WDR11: variants seen among roughly 807,000 people sequenced by gnomAD.
WDR11 encodes the protein WD repeat domain 11, also known as WD repeat-containing protein 11.
WDR11 carries 83 observed loss-of-function variants against 151.2 expected under a neutral mutation model. That is an observed-to-expected ratio of 0.55 (90% CI 0.46 to 0.66). The LOEUF (loss-of-function observed/expected upper bound fraction) is 0.66, where lower values mean the gene tolerates loss of function less well. WDR11 is among the 30% of genes least tolerant of loss of function. The probability of loss-of-function intolerance (pLI) is 0.00; values close to 1 mark genes in which losing one functional copy is unlikely to be tolerated. For missense variants in WDR11, 1,301 were observed against 1,480.9 expected (o/e 0.88, Z 1.99); for synonymous variants, 484 against 533.1 (o/e 0.91, Z 1.27).
chr10:120,900,955 T>C, intron 20 of WDR11, 81 bp from the exon 21 acceptor site: 1 of 1,042,372 alleles, frequency 9.6e-7, no homozygotes, highest in Non-Finnish European at 1.5e-6. Flanking sequence ...ATCTCTATAT[T>C]AACACAACTT....
chr10:120,885,943 AG>A lies in WDR11; in HGVS notation c.1973+6del. The A allele has an allele frequency of 6.2e-7, 1 of 1,613,272 alleles. No individual in the cohort carries two copies. Among genetic ancestry groups the A allele is most frequent in the Non-Finnish European group, 8.5e-7 (1 of 1,179,564 alleles). On this transcript the variant is annotated splice_donor_region_variant and intron_variant, in intron 15 of 28. Coordinates refer to ENST00000263461, the MANE Select transcript of WDR11 (RefSeq NM_018117.12). ...TGTTGAATCATCTGTGATCAGGTAC[AG>A]TACAGTGTTTCTTGACACTGTCATT...
intron 22 of WDR11, among the ~76,000 whole-genome samples, chr10:120,902,584 A>G (rs1052676290): frequency 3.3e-5 from 5 of 152,018 alleles, no homozygotes; most frequent in African/African-American, 4.8e-5. Context: ...TATCAGATAC[A>G]GGTATATTTA....
chr10:120,865,274 C>A (rs932772612), intron 6 of WDR11, 62 bp downstream of exon 6: 3 of 1,523,986 alleles, frequency 2.0e-6, no homozygotes, highest in Admixed American at 1.7e-5. Flanking sequence ...TAAAAGAAGG[C>A]CATAATCTTG....
chr10:120,901,094 T>C lies in WDR11; in HGVS notation c.2683T>C (p.Ser895Pro). The change falls in exon 21 of 29, where the codon TCT becomes CCT. Residue 895 changes from serine to proline, a missense_variant. By Grantham distance (74) the Ser-to-Pro change is moderately conservative. Around this residue, in one of 3 missense-constraint regions of WDR11, gnomAD observed 589 missense variants for 670.6 expected, o/e 0.88. Transcript: ENST00000263461. ...NLLQEQLNSL[S>P]NDIKKLLLDP... ...CCTCCAAGAACAGTTGAATTCATTG[T>C]CTAAGTAAGCACTCCATGTTTCATT... The C allele has an allele frequency of 3.1e-6, 5 of 1,610,184 alleles. No homozygotes were observed. The highest frequency in any genetic ancestry group is 4.2e-6 in the Non-Finnish European group (5 of 1,176,518).
chr10:120,851,633 A>C, intron 1 of WDR11, 127 bp downstream of exon 1: 1 of 1,134,664 alleles, frequency 8.8e-7, no homozygotes, highest in Non-Finnish European at 1.3e-6. Flanking sequence ...CCCTCACGCA[A>C]TGAGCTTGCT....
chr10:120,862,681 C>CTTTATTTA, intron 4 of WDR11, 54 bp from the exon 5 acceptor site: 1 of 1,559,952 alleles, frequency 6.4e-7, no homozygotes, highest in Non-Finnish European at 8.8e-7. Context: ...TGGAATAAAA[C>CTTTATTTA]TGTATGCTAA....
chr10:120,906,807 G>C lies in WDR11; in HGVS notation c.3469G>C (p.Val1157Leu). 3 of 1,614,210 alleles carry C rather than the reference G, an allele frequency of 1.9e-6. No homozygotes were observed. The highest frequency in any genetic ancestry group is 2.5e-6 in the Non-Finnish European group (3 of 1,180,032). ...MRYFDRAALFVEACLKYGAFE... is the reference protein window; with the variant it reads ...MRYFDRAALFLEACLKYGAFE... ...ATACTTTGATAGAGCAGCCTTATTT[G>C]TGGAAGCTTGCCTCAAGTATGGAGC... is the stretch of plus-strand genomic sequence containing the variant. Residue 1157 changes from valine to leucine, a missense_variant, in exon 28 of 29, where the codon GTG becomes CTG. Transcript: ENST00000263461.
chr10:120,902,467 A>G, intron 22 of WDR11, 145 bp downstream of exon 22: 2 of 739,124 alleles, frequency 2.7e-6, no homozygotes, highest in South Asian at 1.7e-5. Context: ...TTTTGACAGT[A>G]GTAATAACAA....
At chr10:120,901,157 C>A in intron 21 of WDR11, 59 bp downstream of exon 21, 2 of 1,361,374 alleles carry the variant, frequency 1.5e-6, no homozygotes, top group Non-Finnish European at 2.1e-6. Flanking sequence ...TGCAATTCAA[C>A]TTTAAATGCA....
chr10:120,872,101 A>G (rs1846566994), intron 10 of WDR11, among the ~76,000 whole-genome samples: 1 of 152,164 alleles, frequency 6.6e-6, no homozygotes, highest in African/African-American at 2.4e-5. Context: ...GTCTATTAAC[A>G]TGTGATTTGT....
chr10:120,851,921 G>C (rs1564933143), intron 1 of WDR11: 2 of 277,514 alleles, frequency 7.2e-6, no homozygotes, highest in Non-Finnish European at 1.4e-5. Context: ...GCCAGACCCT[G>C]TGCTAGGCGC....
At chr10:120,905,446 C>T (rs1057095870) in intron 26 of WDR11, 30 bp downstream of exon 26, 5 of 1,609,576 alleles carry the variant, frequency 3.1e-6, no homozygotes, top group Admixed American at 1.7e-5. Context: ...AATAGGTGCC[C>T]TCAACATTCG....
chr10:120,902,912 T>TC, intron 22 of WDR11, 143 bp from the exon 23 acceptor site: 1 of 856,278 alleles, frequency 1.2e-6, no homozygotes. Context: ...ACTTGCTGCC[T>TC]CCCCCTTTCA....
At chr10:120,851,606 G>C in intron 1 of WDR11, 100 bp downstream of exon 1, 3 of 1,446,466 alleles carry the variant, frequency 2.1e-6, no homozygotes, top group Non-Finnish European at 2.8e-6. Flanking sequence ...GTTTGGCCTC[G>C]CTAAGGCAGG....
Position 120,871,227 on chromosome 10 carries a change from A to G in WDR11, c.1352A>G (p.His451Arg), listed in dbSNP as rs199920020. ...HPRGSILREV[H>R]LKFLLTGLLS... ...AGAGGTTCAATTCTGCGGGAAGTGCACCTCAAGTTCCTGCTGACGGGACTG... is the reference window on the plus strand; with the variant it reads ...AGAGGTTCAATTCTGCGGGAAGTGCGCCTCAAGTTCCTGCTGACGGGACTG... Residue 451 changes from histidine (H) to arginine (R), a missense_variant, in exon 10 of 29, where the codon CAC becomes CGC. Transcript: ENST00000263461. The G allele has an allele frequency of 2.0e-5, 33 of 1,614,102 alleles. No individual in the cohort carries two copies. In the East Asian group the frequency reaches 7.1e-4, roughly 35 times the overall value.
At chr10:120,903,309 G>A in intron 23 of WDR11, 77 bp downstream of exon 23, 1 of 1,555,584 alleles carries the variant, frequency 6.4e-7, no homozygotes, top group East Asian at 2.3e-5. Context: ...CTTAAACTTG[G>A]GAAACTTTCA....
intron 5 of WDR11, 25 bp from the exon 6 acceptor site, chr10:120,865,022 C>T (rs1027439002): frequency 3.1e-6 from 5 of 1,612,684 alleles, no homozygotes; most frequent in Non-Finnish European, 4.2e-6. Flanking sequence ...AGTCTTTGAC[C>T]CAAGTGAATG....
chr10:120,908,877 T>C lies in WDR11; in HGVS notation c.*164T>C, dbSNP rs1215632297. 2 of 731,444 alleles carry C rather than the reference T, an allele frequency of 2.7e-6. No individual in the cohort carries two copies. The highest frequency in any genetic ancestry group is 4.7e-6 in the Non-Finnish European group (2 of 424,696). The allele number at this position is 731,444 out of a possible 1,614,324, so 45.3% of individuals were successfully genotyped here. The stretch of plus-strand genomic sequence containing the variant: ...GTGCCCAAAAGCACATAAGCATCTA[T>C]GTTGAGAGTAAGTTTGTATCCTGCG... On this transcript the variant is annotated 3_prime_UTR_variant, in exon 29 of 29. Transcript: ENST00000263461.
At chr10:120,872,413 T>C (rs769486785) in intron 10 of WDR11, among the ~76,000 whole-genome samples, 14 of 152,220 alleles carry the variant, frequency 9.2e-5, no homozygotes, top group Non-Finnish European at 2.1e-4. Context: ...GTTCCTGATT[T>C]GTCAGTTAGG....
Sources: allele counts gnomAD v4.1 joint callset (sites outside exome capture counted in the v4.1 genomes callset), GRCh38; gene constraint gnomAD v4.1.1; regional missense constraint gnomAD v4.1.1; transcripts MANE v1.5; gene names NCBI Gene and HGNC (gene_info 2026-07-23, HGNC 2026-07-21).